Variants in GRID2 observed in about 807,000 individuals in gnomAD.
GRID2 encodes glutamate receptor ionotropic, delta-2.
Under a neutral mutation model 114.8 loss-of-function variants are expected in GRID2, and 33 were observed. The ratio of observed to expected loss-of-function variants is 0.29; its 90% CI spans 0.22 to 0.38. GRID2 has a LOEUF of 0.38. Ranked by LOEUF, GRID2 falls within the 10% of genes least tolerant of loss-of-function variation. The pLI is 1.00. For missense variants in GRID2, 1,184 were observed against 1,257.7 expected (o/e 0.94, Z 0.89); for synonymous variants, 505 against 449.9 (o/e 1.12, Z -1.55).
intron 2 of GRID2, among the ~76,000 whole-genome samples, chr4:92,725,203 A>C (rs1736013328): frequency 6.6e-6 from 1 of 152,128 alleles, no homozygotes; most frequent in African/African-American, 2.4e-5. Flanking sequence ...TGGGAGGCTG[A>C]GACACAAGAA....
chr4:93,780,629 C>T (rs927162920), intron 1 of GRID2, among the ~76,000 whole-genome samples: 1 of 152,152 alleles, frequency 6.6e-6, no homozygotes, highest in Non-Finnish European at 1.5e-5. Flanking sequence ...ATATTTGCTA[C>T]CATTTTAAGT....
At chr4:93,767,786 C>G (rs1733788687) in intron 14 of GRID2, among the ~76,000 whole-genome samples, 1 of 152,198 alleles carries the variant, frequency 6.6e-6, no homozygotes, top group Non-Finnish European at 1.5e-5. Flanking sequence ...ATTCTCTGAA[C>G]TCTTAAATTG....
chr4:93,400,396 G>T (rs1052095043), intron 9 of GRID2, among the ~76,000 whole-genome samples: 7 of 152,016 alleles, frequency 4.6e-5, no homozygotes, highest in Non-Finnish European at 7.4e-5. Context: ...TCCATAATTT[G>T]CCCACTGATC....
chr4:92,947,896 A>G (rs1384484795), intron 2 of GRID2, among the ~76,000 whole-genome samples: 1 of 151,842 alleles, frequency 6.6e-6, no homozygotes. Context: ...GTTGTTTGTT[A>G]ATTACCTTTT....
chr4:93,354,011 A>G (rs914966521), intron 8 of GRID2, among the ~76,000 whole-genome samples: 2 of 142,240 alleles, frequency 1.4e-5, no homozygotes, highest in African/African-American at 5.8e-5. Flanking sequence ...ATGTACACAC[A>G]AGCACACACA....
intron 8 of GRID2, among the ~76,000 whole-genome samples, chr4:93,383,948 T>A (rs567570496): frequency 6.6e-6 from 1 of 152,288 alleles, no homozygotes; most frequent in East Asian, 1.9e-4. Context: ...AGGGGCTGTC[T>A]TAGACCTTTT....
At chr4:93,432,306 A>T (rs1173992585) in intron 10 of GRID2, among the ~76,000 whole-genome samples, 1 of 152,220 alleles carries the variant, frequency 6.6e-6, no homozygotes, top group Admixed American at 6.5e-5. Context: ...AGGTTGAGAC[A>T]TGGTGGATAA....
intron 2 of GRID2, among the ~76,000 whole-genome samples, chr4:93,042,373 T>A (rs1725643031): frequency 6.8e-6 from 1 of 147,672 alleles, no homozygotes; most frequent in African/African-American, 2.5e-5. Flanking sequence ...ACTTAAAGTA[T>A]AATTTTATAT....
At chr4:92,587,474 A>G (rs1395340170) in intron 1 of GRID2, among the ~76,000 whole-genome samples, 2 of 152,100 alleles carry the variant, frequency 1.3e-5, no homozygotes, top group African/African-American at 2.4e-5. Context: ...AACTAATCAC[A>G]TTGTTTTCAG....
intron 9 of GRID2, among the ~76,000 whole-genome samples, chr4:93,412,228 A>AC (rs1767248608): frequency 5.4e-5 from 7 of 128,938 alleles, no homozygotes; most frequent in African/African-American, 2.2e-4. Flanking sequence ...AGTAAGACCC[A>AC]TCCCCCCCCC....
At chr4:93,135,621 A>T (rs1040693429) in intron 4 of GRID2, among the ~76,000 whole-genome samples, 10 of 152,198 alleles carry the variant, frequency 6.6e-5, no homozygotes, top group Non-Finnish European at 1.5e-4. Context: ...CAAAGTTTTC[A>T]TCAATATGAG....
chr4:93,293,556 TA>T (rs1299942500), intron 8 of GRID2, among the ~76,000 whole-genome samples: 1 of 149,942 alleles, frequency 6.7e-6, no homozygotes, highest in Non-Finnish European at 1.5e-5. Context: ...TCAAGCAGAC[TA>T]AAAAGAGATC....
chr4:92,939,817 T>C (rs1412146669), intron 2 of GRID2, among the ~76,000 whole-genome samples: 2 of 147,454 alleles, frequency 1.4e-5, no homozygotes, highest in Non-Finnish European at 3.0e-5. Context: ...ATTAATTAAA[T>C]AGGGAATCCT....
chr4:93,349,047 G>A (rs1018577764), intron 8 of GRID2, among the ~76,000 whole-genome samples: 41 of 152,062 alleles, frequency 2.7e-4, no homozygotes, highest in Middle Eastern at 3.4e-3. Context: ...TCACATCTTC[G>A]CTTGATAGAT....
In GRID2 at chr4:92,380,143, G is replaced by A. The variant is rs538665545; in HGVS notation, c.88+75399G>A. Among the ~76,000 whole-genome samples, 137 of 151,288 alleles carry A rather than the reference G, an allele frequency of 9.1e-4. 1 individual carries two copies. The South Asian group carries it at 0.025, about 28-fold the overall frequency. On this transcript the variant is annotated intron_variant, in intron 1 of 15. Coordinates refer to ENST00000282020, the MANE Select transcript of GRID2 (RefSeq NM_001510.4). ...CAAGGCTAACAATGAAGTTTGGGAA[G>A]CATTTTTACTTTTTTTTTGTATCAC...
chr4:92,706,558 T>C (rs904610209), intron 2 of GRID2, among the ~76,000 whole-genome samples: 1 of 151,702 alleles, frequency 6.6e-6, no homozygotes, highest in Non-Finnish European at 1.5e-5. Flanking sequence ...CCTCTAGGGG[T>C]GTTTTGGTTA....
intron 10 of GRID2, among the ~76,000 whole-genome samples, chr4:93,429,290 A>G (rs1329439816): frequency 6.6e-6 from 1 of 152,236 alleles, no homozygotes; most frequent in Non-Finnish European, 1.5e-5. Flanking sequence ...GCAGAGTAGA[A>G]AATGGTATGT....
At chr4:92,673,134 C>T (rs1291837496) in intron 2 of GRID2, among the ~76,000 whole-genome samples, 1 of 151,918 alleles carries the variant, frequency 6.6e-6, no homozygotes, top group East Asian at 1.9e-4. Flanking sequence ...TACTGTTTTA[C>T]TATTTGATTT....
intron 12 of GRID2, among the ~76,000 whole-genome samples, chr4:93,499,599 C>A (rs1055686352): frequency 3.3e-5 from 5 of 151,836 alleles, no homozygotes; most frequent in African/African-American, 1.2e-4. Context: ...CTTCCGGTAT[C>A]TTCCATTTTC....
Sources: allele counts gnomAD v4.1 joint callset (sites outside exome capture counted in the v4.1 genomes callset), GRCh38; gene constraint gnomAD v4.1.1; transcripts MANE v1.5; gene names NCBI Gene and HGNC (gene_info 2026-07-23, HGNC 2026-07-21).